The following TMEM108 variants were observed in gnomAD, a reference collection of about 807,000 sequenced individuals.
TMEM108 encodes the protein transmembrane protein 108.
In TMEM108, 12 loss-of-function variants were observed where a neutral mutation model predicts 35.1. That is an observed-to-expected ratio of 0.34 (90% CI 0.22 to 0.55). The LOEUF is 0.55. TMEM108 is among the 20% of genes least tolerant of loss of function. The probability of loss-of-function intolerance (pLI) is 0.89; values close to 1 mark genes in which losing one functional copy is unlikely to be tolerated. For missense variants in TMEM108, 680 were observed against 753.3 expected (o/e 0.90, Z 1.14); for synonymous variants, 287 against 308.6 (o/e 0.93, Z 0.73).
intron 3 of TMEM108, among the ~76,000 whole-genome samples, chr3:133,284,212 C>G (rs1051462957): frequency 6.6e-6 from 1 of 152,166 alleles, no homozygotes; most frequent in Non-Finnish European, 1.5e-5. Flanking sequence ...CAGGGCATGT[C>G]ATGTTCCAGC....
intron 2 of TMEM108, among the ~76,000 whole-genome samples, chr3:133,172,155 G>A (rs999611405): frequency 2.6e-5 from 4 of 151,948 alleles, no homozygotes; most frequent in Non-Finnish European, 5.9e-5. Context: ...TCATTTTACA[G>A]ATGAGGAAAC....
At chr3:133,136,650 G>T (rs1317774856) in intron 2 of TMEM108, among the ~76,000 whole-genome samples, 1 of 152,092 alleles carries the variant, frequency 6.6e-6, no homozygotes, top group African/African-American at 2.4e-5. Flanking sequence ...ACCTGAACAG[G>T]GCATCACCTT....
chr3:133,362,165 C>G (rs2072370231), intron 3 of TMEM108, among the ~76,000 whole-genome samples: 1 of 152,132 alleles, frequency 6.6e-6, no homozygotes, highest in African/African-American at 2.4e-5. Context: ...AATGCTGTAA[C>G]AGAAACTTTG....
intron 2 of TMEM108, among the ~76,000 whole-genome samples, chr3:133,081,674 C>T (rs1240119830): frequency 1.3e-5 from 2 of 152,182 alleles, no homozygotes; most frequent in Non-Finnish European, 2.9e-5. Context: ...ATCTCTCTGC[C>T]TTCATGTTGG....
intron 3 of TMEM108, chr3:133,378,623 A>G (rs2072912757): frequency 5.9e-6 from 5 of 844,340 alleles, no homozygotes; most frequent in Non-Finnish European, 7.1e-6. Context: ...TTCCCAACCC[A>G]TGTGTTGTCA....
At chr3:133,188,383 G>T (rs1364171681) in intron 2 of TMEM108, among the ~76,000 whole-genome samples, 2 of 150,450 alleles carry the variant, frequency 1.3e-5, no homozygotes, top group African/African-American at 2.4e-5. Context: ...TTGTGGGTGG[G>T]TTCCAGCTTT....
intron 2 of TMEM108, among the ~76,000 whole-genome samples, chr3:133,147,548 C>T (rs1445606292): frequency 6.6e-6 from 1 of 152,174 alleles, no homozygotes; most frequent in East Asian, 1.9e-4. Context: ...TGAAAAATGT[C>T]TGTTCATGTC....
At chr3:133,187,444 T>A (rs1160569956) in intron 2 of TMEM108, among the ~76,000 whole-genome samples, 1 of 152,070 alleles carries the variant, frequency 6.6e-6, no homozygotes, top group Admixed American at 6.6e-5. Flanking sequence ...TGTCACTAAC[T>A]GATTAGCATA....
At chr3:133,267,632 G>C (rs1327972075) in intron 3 of TMEM108, among the ~76,000 whole-genome samples, 1 of 152,180 alleles carries the variant, frequency 6.6e-6, no homozygotes, top group Non-Finnish European at 1.5e-5. Context: ...GGCTTAACTG[G>C]AGATTCTAAT....
chr3:133,139,299 A>G (rs1332351050), intron 2 of TMEM108, among the ~76,000 whole-genome samples: 1 of 152,172 alleles, frequency 6.6e-6, no homozygotes, highest in Non-Finnish European at 1.5e-5. Context: ...TGCTGGGTCA[A>G]TCTATCTATC....
intron 3 of TMEM108, among the ~76,000 whole-genome samples, chr3:133,376,351 A>G (rs16840290): frequency 0.033 from 5,094 of 152,250 alleles, 140 homozygotes; most frequent in African/African-American, 0.076. Flanking sequence ...GGGTCAGCCA[A>G]TGTTGCTTCC....
chr3:133,351,377 G>A (rs1273944565), intron 3 of TMEM108, among the ~76,000 whole-genome samples: 4 of 152,106 alleles, frequency 2.6e-5, no homozygotes. Context: ...TCTCCCACCG[G>A]CTCCTTCCTC....
At chr3:133,312,374 G>T (rs997753049) in intron 3 of TMEM108, among the ~76,000 whole-genome samples, 37 of 152,218 alleles carry the variant, frequency 2.4e-4, no homozygotes, top group African/African-American at 8.7e-4. Flanking sequence ...TTGCTGAGCT[G>T]TGGTGGGCTC....
chr3:133,373,129 G>A (rs922183018), intron 3 of TMEM108, among the ~76,000 whole-genome samples: 1 of 152,120 alleles, frequency 6.6e-6, no homozygotes, highest in Non-Finnish European at 1.5e-5. Flanking sequence ...AATTCTGAGA[G>A]GCCAAGGCAG....
At chr3:133,059,187 A>G (rs548808718) in intron 2 of TMEM108, among the ~76,000 whole-genome samples, 2 of 152,216 alleles carry the variant, frequency 1.3e-5, no homozygotes, top group East Asian at 1.9e-4. Context: ...CAAAGACGCT[A>G]CCTCCTAAAT....
intron 2 of TMEM108, among the ~76,000 whole-genome samples, chr3:133,106,937 T>C (rs1178856561): frequency 1.3e-5 from 2 of 152,198 alleles, no homozygotes; most frequent in African/African-American, 2.4e-5. Flanking sequence ...TTTTGAGCCA[T>C]TGTGTTCTGG....
chr3:133,355,319 C>G (rs75439901), intron 3 of TMEM108, among the ~76,000 whole-genome samples: 3 of 152,014 alleles, frequency 2.0e-5, no homozygotes, highest in African/African-American at 4.8e-5. Context: ...TCCTGTTTAT[C>G]TTAATATCTC....
At chr3:133,171,871 G>A (rs375485303) in intron 2 of TMEM108, among the ~76,000 whole-genome samples, 14 of 152,108 alleles carry the variant, frequency 9.2e-5, no homozygotes, top group African/African-American at 2.2e-4. Flanking sequence ...AGGATTCAAC[G>A]TTTAGAGAAT....
chr3:133,146,400 A>T (rs1004223268), intron 2 of TMEM108, among the ~76,000 whole-genome samples: 1 of 152,232 alleles, frequency 6.6e-6, no homozygotes, highest in Non-Finnish European at 1.5e-5. Context: ...ATCAATGTTC[A>T]TCAGGGGTAT....
Sources: allele counts gnomAD v4.1 joint callset (sites outside exome capture counted in the v4.1 genomes callset), GRCh38; gene constraint gnomAD v4.1.1; transcripts MANE v1.5; gene names NCBI Gene and HGNC (gene_info 2026-07-23, HGNC 2026-07-21).